Variants in COQ8B observed in about 807,000 individuals in gnomAD.
The protein encoded by COQ8B is coenzyme Q8B, also known as atypical kinase COQ8B, mitochondrial.
In COQ8B, 44 loss-of-function variants were observed where a neutral mutation model predicts 62.0. The ratio of observed to expected loss-of-function variants is 0.71; its 90% CI spans 0.56 to 0.91. The LOEUF (loss-of-function observed/expected upper bound fraction) is 0.91, where lower values mean the gene tolerates loss of function less well. Ranked by LOEUF, COQ8B falls within the 40% of genes least tolerant of loss-of-function variation. The pLI is 0.00. For missense variants in COQ8B, 649 were observed against 731.6 expected (o/e 0.89, Z 1.30); for synonymous variants, 252 against 289.9 (o/e 0.87, Z 1.33).
chr19:40,704,775 C>T (rs962863928), intron 7 of COQ8B: 1 of 251,850 alleles, frequency 4.0e-6, no homozygotes, highest in African/African-American at 2.2e-5. Context: ...ACAGCTAACA[C>T]CTGCATGTTG....
chr19:40,702,501 C>T, intron 10 of COQ8B, 99 bp downstream of exon 10: 1 of 1,105,302 alleles, frequency 9.0e-7, no homozygotes, highest in Non-Finnish European at 1.4e-6. Flanking sequence ...GAGAGTTTGC[C>T]CTACCCCACA....
At chr19:40,698,825 A>G (rs1480915786) in intron 12 of COQ8B, among the ~76,000 whole-genome samples, 1 of 152,164 alleles carries the variant, frequency 6.6e-6, no homozygotes, top group Non-Finnish European at 1.5e-5. Flanking sequence ...AAATGGGGAT[A>G]GACCACTTTG....
At position 40,704,053 on chromosome 19, in the gene COQ8B, A is replaced by ACTG. The variant is rs1036688957; in HGVS notation, c.577-201_577-199dup. 81 of 635,480 alleles carry ACTG rather than the reference A, an allele frequency of 1.3e-4. No individual in the cohort carries two copies. The African/African-American group carries it at 1.4e-3, about 11-fold the overall frequency. The allele number at this position is 635,480 out of a possible 1,614,324, so 39.4% of individuals were successfully genotyped here. On this transcript the variant is annotated intron_variant, in intron 7 of 14. Coordinates refer to ENST00000324464, the MANE Select transcript of COQ8B (RefSeq NM_024876.4). ...CAAGTGACTAGCCAGGCACTGGCAG[A>ACTG]CTGTGAGGCTCAGCCTAGCCTGTGT... is the stretch of plus-strand genomic sequence containing the variant.
At chr19:40,697,965 C>T (rs142211796) in intron 12 of COQ8B, among the ~76,000 whole-genome samples, 1,880 of 150,720 alleles carry the variant, frequency 0.012, 18 homozygotes, top group Non-Finnish European at 0.018. Context: ...GCTGTAATCC[C>T]AGCACTTCGG....
At position 40,692,236 on chromosome 19, in the gene COQ8B, C is replaced by G; in HGVS notation, c.1434G>C (p.Leu478=). The stretch of plus-strand genomic sequence containing the variant: ...CATAGGTCTCCTCGGGTGGGGGACA[C>G]AGCCGGTGCCGCAGCAGCACCGGGA... ...DLIPVLLRHR[L]CPPPEETYAL... is the part of the protein sequence containing the mutation. Residue 478 remains leucine, a synonymous_variant, in exon 15 of 15, where the codon CTG becomes CTC. Coordinates refer to ENST00000324464, the MANE Select transcript of COQ8B (RefSeq NM_024876.4). The G allele has an allele frequency of 6.2e-7, 1 of 1,610,202 alleles. No individual in the cohort carries two copies. The highest frequency in any genetic ancestry group is 8.5e-7 in the Non-Finnish European group (1 of 1,178,204).
rs774230786 is a variant in COQ8B, at chr19:40,705,320, T to C, written c.490+5A>G. ...AGGGGTCAGGAGTCGAGGGTCATGC[T>C]GTACCCTGGATGCTGAGCATCTGGC... On this transcript the variant is annotated splice_donor_5th_base_variant and intron_variant, in intron 6 of 14. Transcript: ENST00000324464. The C allele has an allele frequency of 1.6e-5, 25 of 1,590,276 alleles. No individual in the cohort carries two copies. Among genetic ancestry groups the C allele is most frequent in the Non-Finnish European group, 2.1e-5 (24 of 1,163,160 alleles).
At chr19:40,696,836 A>G (rs1041276005) in intron 12 of COQ8B, among the ~76,000 whole-genome samples, 3 of 152,134 alleles carry the variant, frequency 2.0e-5, no homozygotes, top group African/African-American at 7.2e-5. Flanking sequence ...ACAGCTGTAA[A>G]CAATCTAGAG....
intron 5 of COQ8B, chr19:40,707,994 T>C (rs150283284): frequency 6.6e-6 from 1 of 152,244 alleles, no homozygotes; most frequent in Non-Finnish European, 1.5e-5. Context: ...CTTACAGGTA[T>C]GTGTACCTGG....
intron 5 of COQ8B, among the ~76,000 whole-genome samples, chr19:40,706,362 T>A (rs1054835915): frequency 1.3e-5 from 2 of 152,222 alleles, no homozygotes; most frequent in Non-Finnish European, 2.9e-5. Context: ...TCTAAGAACA[T>A]TCACTGGAGT....
chr19:40,697,728 G>A (rs916824606), intron 12 of COQ8B, among the ~76,000 whole-genome samples: 14 of 150,808 alleles, frequency 9.3e-5, no homozygotes, highest in Non-Finnish European at 1.9e-4. Context: ...CCCAGGAGGT[G>A]GAGGTTGCAG....
Position 40,710,110 on chromosome 19 carries a change from C to T in COQ8B, c.316G>A (p.Val106Ile), listed in dbSNP as rs377240527. ...GGLAVGLGLG[V>I]LAEMAKKSMP... ...GACTTCTTAGCCATCTCGGCCAGTA[C>T]TCCTAGCCCCAAGCCCACAGCCAGT... is the stretch of plus-strand genomic sequence containing the variant. Residue 106 changes from valine (V) to isoleucine (I), a missense_variant, in exon 5 of 15, where the codon GTA (valine) becomes ATA (isoleucine). Val to Ile is a conservative substitution (Grantham distance 29). Transcript: ENST00000324464. The T allele has an allele frequency of 5.0e-6, 8 of 1,613,988 alleles. No individual in the cohort carries two copies. In the Admixed American group the frequency reaches 6.7e-5, roughly 13 times the overall value.
intron 14 of COQ8B, 26 bp downstream of exon 14, chr19:40,692,925 C>A: frequency 6.2e-7 from 1 of 1,607,952 alleles, no homozygotes. Flanking sequence ...AGACACCAGC[C>A]CCTTTCTCCC....
chr19:40,692,066 G>A lies in COQ8B; in HGVS notation c.1604C>T (p.Thr535Ile), dbSNP rs1445629290. Residue 535 changes from threonine to isoleucine, a missense_variant, in exon 15 of 15, where the codon ACC becomes ATC. Transcript: ENST00000324464. ...PDAATAGSLP[T>I]KGDSWVDPS ...GGGATCCACCCAGGAGTCCCCTTTG[G>A]TGGGGAGGCTGCCGGCAGTGGCTGC... 3 of 1,607,478 alleles carry A rather than the reference G, an allele frequency of 1.9e-6. No individual in the cohort carries two copies. The highest frequency in any genetic ancestry group is 2.5e-6 in the Non-Finnish European group (3 of 1,177,250).
At chr19:40,702,041 T>G (rs1198938404) in intron 10 of COQ8B, among the ~76,000 whole-genome samples, 1 of 152,224 alleles carries the variant, frequency 6.6e-6, no homozygotes, top group East Asian at 1.9e-4. Context: ...ATGGGTTGTT[T>G]CCAGTTTGGG....
At chr19:40,709,070 C>T (rs1016227356) in intron 5 of COQ8B, among the ~76,000 whole-genome samples, 2 of 152,228 alleles carry the variant, frequency 1.3e-5, no homozygotes, top group African/African-American at 4.8e-5. Flanking sequence ...CGTGTACCCA[C>T]ACACTTACTA....
At chr19:40,714,509 G>T in intron 2 of COQ8B, 22 bp downstream of exon 2, 4 of 1,613,790 alleles carry the variant, frequency 2.5e-6, no homozygotes, top group South Asian at 1.1e-5. Flanking sequence ...TCCCCTTGGG[G>T]ACCTGCTCCC....
At chr19:40,711,925 CAG>C (rs1199129469) in intron 4 of COQ8B, among the ~76,000 whole-genome samples, 1 of 152,182 alleles carries the variant, frequency 6.6e-6, no homozygotes, top group East Asian at 1.9e-4. Context: ...GAGGACACAG[CAG>C]AGTCATCCCT....
intron 4 of COQ8B, among the ~76,000 whole-genome samples, chr19:40,713,095 T>C (rs2082154761): frequency 6.6e-6 from 1 of 152,194 alleles, no homozygotes; most frequent in African/African-American, 2.4e-5. Context: ...GCACCGTGGC[T>C]CACATCTGTA....
intron 12 of COQ8B, among the ~76,000 whole-genome samples, chr19:40,696,784 G>A (rs2082018259): frequency 6.6e-6 from 1 of 152,016 alleles, no homozygotes; most frequent in Non-Finnish European, 1.5e-5. Flanking sequence ...ATTATTTCCT[G>A]AAATTCTCAT....
Sources: allele counts gnomAD v4.1 joint callset (sites outside exome capture counted in the v4.1 genomes callset), GRCh38; gene constraint gnomAD v4.1.1; transcripts MANE v1.5; gene names NCBI Gene and HGNC (gene_info 2026-07-23, HGNC 2026-07-21).